CLYBL: variants seen among roughly 807,000 people sequenced by gnomAD.
CLYBL encodes citramalyl-CoA lyase, mitochondrial.
Under a neutral mutation model 38.9 loss-of-function variants are expected in CLYBL, and 31 were observed. That is an observed-to-expected ratio of 0.80 (90% CI 0.60 to 1.08). The LOEUF is 1.08. Ranked by LOEUF, CLYBL falls within the 50% of genes least tolerant of loss-of-function variation. The probability of loss-of-function intolerance (pLI) is 0.00; values close to 1 mark genes in which losing one functional copy is unlikely to be tolerated. For synonymous variants in CLYBL, 171 were observed against 158.6 expected (o/e 1.08, Z -0.59); for missense variants, 434 against 411.6 (o/e 1.05, Z -0.47).
intron 4 of CLYBL, 74 bp from the exon 5 acceptor site, chr13:99,864,744 C>A: frequency 9.9e-7 from 1 of 1,005,158 alleles, no homozygotes; most frequent in Non-Finnish European, 1.6e-6. Context: ...CGTCCTGTTA[C>A]TGAAATGCAC....
At chr13:99,874,209 T>TA (rs1236878600) in intron 7 of CLYBL, among the ~76,000 whole-genome samples, 1 of 152,196 alleles carries the variant, frequency 6.6e-6, no homozygotes, top group Non-Finnish European at 1.5e-5. Flanking sequence ...TCCCAGAAAC[T>TA]AAAATGTTTT....
At chr13:99,862,882 C>G (rs1243713479) in intron 3 of CLYBL, 109 bp from the exon 4 acceptor site, 3 of 473,016 alleles carry the variant, frequency 6.3e-6, no homozygotes, top group Non-Finnish European at 1.1e-5. Flanking sequence ...ACGAAAGAGG[C>G]TTGGATATTA....
chr13:99,881,271 T>C (rs1416476632), intron 7 of CLYBL, among the ~76,000 whole-genome samples: 1 of 152,222 alleles, frequency 6.6e-6, no homozygotes, highest in Non-Finnish European at 1.5e-5. Context: ...CCGTAAATTA[T>C]CTGGCAATAG....
At chr13:99,677,907 A>G (rs1393177115) in intron 1 of CLYBL, among the ~76,000 whole-genome samples, 1 of 152,256 alleles carries the variant, frequency 6.6e-6, no homozygotes, top group Non-Finnish European at 1.5e-5. Context: ...CCTTGACTAC[A>G]TAAAATTTTA....
chr13:99,633,315 G>A (rs564812324), intron 1 of CLYBL, among the ~76,000 whole-genome samples: 24 of 151,724 alleles, frequency 1.6e-4, no homozygotes, highest in African/African-American at 4.6e-4. Context: ...AGAAGTGGGC[G>A]GATCACTTGA....
At chr13:99,700,314 G>A (rs116796798) in intron 1 of CLYBL, among the ~76,000 whole-genome samples, 2,029 of 152,140 alleles carry the variant, frequency 0.013, 46 homozygotes, top group African/African-American at 0.046. Flanking sequence ...GCATGGTGGC[G>A]CGCGCCTATG....
At chr13:99,724,383 C>T (rs1311383713) in intron 1 of CLYBL, among the ~76,000 whole-genome samples, 1 of 151,960 alleles carries the variant, frequency 6.6e-6, no homozygotes, top group South Asian at 2.1e-4. Context: ...CATATTAAAC[C>T]GAAGCGTGGA....
At position 99,891,325 on chromosome 13, in the gene CLYBL, T is replaced by C; in HGVS notation, c.935T>C (p.Phe312Ser). The part of the protein sequence containing the change: ...KEHQQLGKGA[F>S]TFQGSMIDMP... ...GTATTCTCTGTTTTCCAGGGGGCCT[T>C]TACTTTCCAAGGGAGTATGATCGAC... Residue 312 changes from phenylalanine (F) to serine (S), a missense_variant, in exon 8 of 9, where the codon TTT (phenylalanine) becomes TCT (serine). Physicochemically the swap from Phe to Ser is radical, Grantham distance 155. Coordinates refer to ENST00000339105, the MANE Select transcript of CLYBL (RefSeq NM_206808.5). 6.2e-7 allele frequency: 1 copy of C among 1,612,750 alleles called. No individual in the cohort carries two copies.
intron 1 of CLYBL, among the ~76,000 whole-genome samples, chr13:99,703,765 T>C (rs2048106586): frequency 6.6e-6 from 1 of 152,218 alleles, no homozygotes; most frequent in African/African-American, 2.4e-5. Context: ...TGTTTGTTTG[T>C]TTTATTTGTA....
intron 2 of CLYBL, among the ~76,000 whole-genome samples, chr13:99,796,574 G>C (rs2050026699): frequency 6.6e-6 from 1 of 152,240 alleles, no homozygotes; most frequent in African/African-American, 2.4e-5. Context: ...GATAAGGAAA[G>C]TGGAATACAG....
At chr13:99,884,484 C>T (rs1192226995) in intron 7 of CLYBL, among the ~76,000 whole-genome samples, 1 of 152,202 alleles carries the variant, frequency 6.6e-6, no homozygotes, top group African/African-American at 2.4e-5. Context: ...CAGGATGCCC[C>T]ACCTGATCAG....
At chr13:99,787,659 C>G (rs2049825349) in intron 2 of CLYBL, among the ~76,000 whole-genome samples, 1 of 152,268 alleles carries the variant, frequency 6.6e-6, no homozygotes, top group Middle Eastern at 3.4e-3. Context: ...GTTCTTTTGG[C>G]TTAGGATTGA....
intron 1 of CLYBL, among the ~76,000 whole-genome samples, chr13:99,655,380 G>A (rs1566600637): frequency 6.6e-6 from 1 of 152,268 alleles, no homozygotes; most frequent in African/African-American, 2.4e-5. Context: ...CTGGCCTGGT[G>A]TTGCATTTCG....
At chr13:99,903,381 C>T (rs567143106) in intron 8 of CLYBL, among the ~76,000 whole-genome samples, 43 of 151,578 alleles carry the variant, frequency 2.8e-4, no homozygotes, top group Admixed American at 6.0e-4. Flanking sequence ...CACACACACA[C>T]GCACGCACAC....
At chr13:99,645,957 A>G (rs182253508) in intron 1 of CLYBL, among the ~76,000 whole-genome samples, 3 of 152,268 alleles carry the variant, frequency 2.0e-5, no homozygotes, top group Admixed American at 6.5e-5. Flanking sequence ...GCCACCAGCA[A>G]TGTCAGGGTA....
intron 1 of CLYBL, among the ~76,000 whole-genome samples, chr13:99,759,574 AC>A (rs944034641): frequency 6.6e-6 from 1 of 151,620 alleles, no homozygotes; most frequent in African/African-American, 2.4e-5. Context: ...ATGTGAGACC[AC>A]CCCCACCCCC....
rs181025000 is a variant in CLYBL at position 99,789,572 on chromosome 13, A to G, written c.249+16562A>G. ...ACTGTAGTGTGAGAGACAGTTTGTT[A>G]TAATTTCTGTTCTTTGACATTTGCT... On this transcript the variant is annotated intron_variant, in intron 2 of 8. Transcript: ENST00000339105. Among the ~76,000 whole-genome samples the G allele has an allele frequency of 3.9e-5, 6 of 152,302 alleles. No homozygotes were observed. The East Asian group carries it at 1.2e-3, about 29-fold the overall frequency.
At chr13:99,671,048 C>T (rs1377500668) in intron 1 of CLYBL, among the ~76,000 whole-genome samples, 3 of 152,194 alleles carry the variant, frequency 2.0e-5, no homozygotes, top group Non-Finnish European at 2.9e-5. Context: ...TTATGACACA[C>T]CGGTCTCCTT....
intron 3 of CLYBL, among the ~76,000 whole-genome samples, chr13:99,859,671 AT>A (rs1566357198): frequency 6.6e-6 from 1 of 152,216 alleles, no homozygotes; most frequent in Non-Finnish European, 1.5e-5. Context: ...TTTTCAGCCA[AT>A]AAAAACCTGA....
Sources: gnomAD v4.1 joint callset for allele counts (sites outside exome capture counted in the v4.1 genomes callset) on GRCh38, gnomAD v4.1.1 for gene constraint, MANE v1.5 for transcripts, NCBI Gene and HGNC (gene_info 2026-07-23, HGNC 2026-07-21) for gene names.